Variants in HTR3D observed in about 807,000 individuals in gnomAD.
HTR3D encodes 5-hydroxytryptamine (serotonin) receptor 3 family member D.
In HTR3D, 47 loss-of-function variants were observed where a neutral mutation model predicts 45.8. The ratio of observed to expected loss-of-function variants is 1.03; its 90% CI spans 0.81 to 1.31. The LOEUF is 1.31. HTR3D is among the 50% of genes most tolerant of loss of function. The probability of loss-of-function intolerance (pLI) is 0.00; values close to 1 mark genes in which losing one functional copy is unlikely to be tolerated. For synonymous variants in HTR3D, 203 were observed against 199.8 expected, an observed-to-expected ratio of 1.02 and a Z score of -0.13; for missense variants, 448 against 506.9, an observed-to-expected ratio of 0.88 and a Z score of 1.12.
chr3:184,032,802 C>T (rs1320987479), intron 1 of HTR3D: 1 of 1,492,760 alleles, frequency 6.7e-7, no homozygotes, highest in African/African-American at 1.4e-5. Flanking sequence ...AGCTCACATG[C>T]TTCTCCCAGT....
In HTR3D at chr3:184,031,750, A is replaced by G; in HGVS notation, c.9A>G (p.Arg3=). The change falls in exon 1 of 8, where the codon AGA becomes AGG. Residue 3 remains arginine, a synonymous_variant. Coordinates refer to ENST00000428798, the MANE Select transcript of HTR3D (RefSeq NM_001145143.1). ME[R]GWFHGKGFLL... ...GTGCCAAAGAGAGGAAGATGGAAAG[A>G]GGCTGGTTCCATGGGAAAGGATTCC... The G allele has an allele frequency of 1.3e-6, 2 of 1,551,212 alleles. No homozygotes were observed. Among genetic ancestry groups the G allele is most frequent in the Non-Finnish European group, 1.7e-6 (2 of 1,146,606 alleles).
intron 5 of HTR3D, among the ~76,000 whole-genome samples, chr3:184,037,754 G>C (rs1189872379): frequency 6.6e-6 from 1 of 152,152 alleles, no homozygotes; most frequent in Non-Finnish European, 1.5e-5. Context: ...GTCTTGCTAA[G>C]AGCACGTCGG....
Position 184,038,786 on chromosome 3 carries a change from C to T in HTR3D, c.1026C>T (p.Gly342=). 2 of 1,612,336 alleles carry T rather than the reference C, an allele frequency of 1.2e-6. No homozygotes were observed. The highest frequency in any genetic ancestry group is 1.7e-6 in the Non-Finnish European group (2 of 1,179,064). ...EPEVSAGQMP[G]PGEAELTGGS... ...AGGTATCAGCAGGGCAGATGCCAGG[C>T]CCTGGGGAGGCAGAGCTGACAGGGG... The change falls in exon 8 of 8, where the codon GGC becomes GGT. Residue 342 remains glycine (G), a synonymous_variant. Transcript: ENST00000428798. This position sits in a 1 kb window ranked among gnomAD's most constrained non-coding sequence, Gnocchi z 4.5.
intron 2 of HTR3D, 144 bp from the exon 3 acceptor site, chr3:184,035,871 T>G: frequency 1.4e-6 from 1 of 731,470 alleles, no homozygotes; most frequent in East Asian, 3.0e-5. Context: ...TTTTGTATTT[T>G]TAGTAGAGAT....
At chr3:184,031,854 G>A (rs1248237619) in intron 1 of HTR3D, 47 bp downstream of exon 1, 4 of 1,350,594 alleles carry the variant, frequency 3.0e-6, no homozygotes, top group Admixed American at 2.0e-5. Flanking sequence ...TAACTCCTGG[G>A]AAGCAGAGAA....
At position 184,036,682 on chromosome 3, in the gene HTR3D, CA is replaced by C. The variant is rs1722906813; in HGVS notation, c.368-64del. ...GCAGTGAGGGATCCAACAGTCTGGG[CA>C]AGGGACTTGGGCGCATTTGGGGAGG... On this transcript the variant is annotated intron_variant, in intron 4 of 7. Coordinates refer to ENST00000428798, the MANE Select transcript of HTR3D (RefSeq NM_001145143.1). 3.2e-6 allele frequency: 5 copies of C among 1,560,274 alleles called. No homozygotes were observed. In the South Asian group the frequency reaches 5.9e-5, roughly 18 times the overall value.
chr3:184,032,386 T>C (rs561387773), intron 1 of HTR3D, among the ~76,000 whole-genome samples: 63 of 152,334 alleles, frequency 4.1e-4, no homozygotes, highest in African/African-American at 1.4e-3. Flanking sequence ...ACTCATCAAA[T>C]TGAAAAACTG....
rs1172504768 is a variant in HTR3D at position 184,038,539 on chromosome 3, G to C, written c.900G>C (p.Leu300=). 8 of 1,613,928 alleles carry C rather than the reference G, an allele frequency of 5.0e-6. No homozygotes were observed. Among genetic ancestry groups the C allele is most frequent in the Admixed American group, 1.7e-5 (1 of 60,020 alleles). The part of the protein sequence containing the change: ...PLPRWLHSLL[L]HCTGQGRCCP... ...CTCGGTGGCTCCACTCCCTGCTGCT[G>C]CACTGCACCGGCCAAGGGAGATGCT... is the stretch of plus-strand genomic sequence containing the variant. Residue 300 remains leucine (L), a synonymous_variant, in exon 7 of 8, where the codon CTG becomes CTC. Transcript: ENST00000428798. The surrounding 1 kb of genome is among the most constrained non-coding windows in gnomAD (Gnocchi z 4.5).
intron 5 of HTR3D, 59 bp downstream of exon 5, chr3:184,036,955 T>G: frequency 2.0e-6 from 3 of 1,499,486 alleles, no homozygotes; most frequent in Non-Finnish European, 2.7e-6. Flanking sequence ...CTTGAACTCC[T>G]GGCTTCAGGT....
At position 184,038,901 on chromosome 3, in the gene HTR3D, G is replaced by T. The variant is rs775928291; in HGVS notation, c.1141G>T (p.Ala381Ser). Residue 381 changes from alanine (A) to serine (S), a missense_variant, in exon 8 of 8, where the codon GCC becomes TCC. Transcript: ENST00000428798. The surrounding 1 kb of genome is among the most constrained non-coding windows in gnomAD (Gnocchi z 4.5). Reference protein sequence around the residue: ...LWVQFSHAMDALLFRLYLLFM... With the variant: ...LWVQFSHAMDSLLFRLYLLFM... ...GGTGCAGTTCAGCCACGCGATGGAC[G>T]CCCTGCTCTTCCGCCTCTACCTGCT... is the stretch of plus-strand genomic sequence containing the variant. The T allele has an allele frequency of 6.2e-7, 1 of 1,614,192 alleles. No individual in the cohort carries two copies. The highest frequency in any genetic ancestry group is 2.2e-5 in the East Asian group (1 of 44,870).
rs771261774 is a variant in HTR3D at position 184,036,540 on chromosome 3, G to A, written c.363G>A (p.Gln121=). 1.9e-6 allele frequency: 3 copies of A among 1,614,198 alleles called. No homozygotes were observed. Among genetic ancestry groups the A allele is most frequent in the Non-Finnish European group, 2.5e-6 (3 of 1,180,026 alleles). The change falls in exon 4 of 8, where the codon CAG becomes CAA. Residue 121 remains glutamine, a synonymous_variant. Transcript: ENST00000428798. ...ERSPSALSPT[Q]VTRAWRRMSR... is the part of the protein sequence containing the mutation. ...CTCCTTCAGCCCTTTCACCTACACA[G>A]GTAAGTGGGGCTCACTAAAGTAGAC...
At position 184,036,022 on chromosome 3, in the gene HTR3D, C is replaced by T; in HGVS notation, c.119C>T (p.Pro40Leu). ...CACAATCAATTTGTGCAGTGGAACC[C>T]AGATGAATGCGGAGGCATCAAGAAG... ...TSFLWLNMWN[P>L]DECGGIKKSG... The change falls in exon 3 of 8, where the codon CCA becomes CTA. Residue 40 changes from proline (P) to leucine (L), a missense_variant. Physicochemically the swap from Pro to Leu is moderately conservative, Grantham distance 98 (BLOSUM62 -3). Transcript: ENST00000428798. 1 of 1,551,512 alleles carries T rather than the reference C, an allele frequency of 6.4e-7. No individual in the cohort carries two copies. Among genetic ancestry groups the T allele is most frequent in the Non-Finnish European group, 8.7e-7 (1 of 1,146,956 alleles).
At position 184,038,576 on chromosome 3, in the gene HTR3D, C is replaced by T. The variant is rs141889800; in HGVS notation, c.937C>T (p.Pro313Ser). The T allele has an allele frequency of 1.9e-4, 304 of 1,614,012 alleles. 1 individual carries two copies. In the African/African-American group the frequency reaches 3.5e-3, roughly 19 times the overall value. ...TGQGRCCPTA[P>S]QKGNKGPGLT... ...CCAAGGGAGATGCTGTCCCACTGCG[C>T]CCCAGAAGGGAAATAAGGGCCCGGG... Residue 313 changes from proline (P) to serine (S), a missense_variant, in exon 7 of 8, where the codon CCC becomes TCC. By Grantham distance (74) the Pro-to-Ser change is moderately conservative. Transcript: ENST00000428798. This position sits in a 1 kb window ranked among gnomAD's most constrained non-coding sequence, Gnocchi z 4.5.
At position 184,035,242 on chromosome 3, in the gene HTR3D, C is replaced by G; in HGVS notation, c.111+20C>G. Reference sequence around the variant, plus strand: ...AATATGGTATGACAGACTCAGTTTCCCCTTTCCTCTACTCTGGTGCCTCTC... The same window carrying G: ...AATATGGTATGACAGACTCAGTTTCGCCTTTCCTCTACTCTGGTGCCTCTC... On this transcript the variant is annotated intron_variant, in intron 2 of 7. Transcript: ENST00000428798. 6.5e-7 allele frequency: 1 copy of G among 1,550,158 alleles called. No homozygotes were observed. The highest frequency in any genetic ancestry group is 8.7e-7 in the Non-Finnish European group (1 of 1,145,230).
chr3:184,033,079 T>C (rs1224224213), intron 1 of HTR3D: 2 of 1,530,440 alleles, frequency 1.3e-6, no homozygotes, highest in East Asian at 2.5e-5. Context: ...TCACCCAACA[T>C]TGCAGTGGTC....
At chr3:184,037,006 G>A (rs1722923829) in intron 5 of HTR3D, 110 bp downstream of exon 5, 3 of 1,041,436 alleles carry the variant, frequency 2.9e-6, no homozygotes. Flanking sequence ...GGGATTACGG[G>A]CGTGAACCAC....
At chr3:184,035,418 A>T (rs1722857329) in intron 2 of HTR3D, among the ~76,000 whole-genome samples, 196 bp downstream of exon 2, 1 of 152,168 alleles carries the variant, frequency 6.6e-6, no homozygotes, top group South Asian at 2.1e-4. Flanking sequence ...GGGCACAGGG[A>T]GAAGGTGGTA....
rs1722960630 is a variant in HTR3D, at chr3:184,038,101, T to C, written c.597T>C (p.Asp199=). The C allele has an allele frequency of 9.3e-6, 15 of 1,614,044 alleles. No individual in the cohort carries two copies. The highest frequency in any genetic ancestry group is 1.3e-5 in the Non-Finnish European group (15 of 1,180,034). Reference sequence around the variant, plus strand: ...CCAGTGGCATTCTGATTGCCATCGATGCCCTCAGTTTCTACCTGCCACTGG... The same window carrying C: ...CCAGTGGCATTCTGATTGCCATCGACGCCCTCAGTTTCTACCTGCCACTGG... ...LVPSGILIAI[D]ALSFYLPLES... The change falls in exon 6 of 8, where the codon GAT becomes GAC. Residue 199 remains aspartate (D), a synonymous_variant. Coordinates refer to ENST00000428798, the MANE Select transcript of HTR3D (RefSeq NM_001145143.1). The surrounding 1 kb of genome is among the most constrained non-coding windows in gnomAD (Gnocchi z 4.5).
In HTR3D at chr3:184,038,988, C is replaced by A. The variant is rs766110574; in HGVS notation, c.*13C>A. On this transcript the variant is annotated 3_prime_UTR_variant, in exon 8 of 8. Transcript: ENST00000428798. This position sits in a 1 kb window ranked among gnomAD's most constrained non-coding sequence, Gnocchi z 4.5. The stretch of plus-strand genomic sequence containing the variant: ...CTGGAACACCTAGGCAGGTGCTCAC[C>A]TGCAAACTTCAGTCTGGACTTCTTT... The A allele has an allele frequency of 5.6e-6, 9 of 1,613,224 alleles. No homozygotes were observed. The Admixed American group carries it at 1.3e-4, about 24-fold the overall frequency.
Sources: gnomAD v4.1 joint callset for allele counts (sites outside exome capture counted in the v4.1 genomes callset) on GRCh38, gnomAD v4.1.1 for gene constraint, Gnocchi (gnomAD v3.1) non-coding constraint, MANE v1.5 for transcripts, NCBI Gene and HGNC (gene_info 2026-07-23, HGNC 2026-07-21) for gene names.